Variants in FAT4 observed in about 807,000 individuals in gnomAD.
FAT4 encodes FAT atypical cadherin 4.
Under a neutral mutation model 303.9 loss-of-function variants are expected in FAT4, and 84 were observed. That is an observed-to-expected ratio of 0.28 (90% confidence interval 0.23 to 0.33). The LOEUF is 0.33. Ranked by LOEUF, FAT4 falls within the 10% of genes least tolerant of loss-of-function variation. FAT4 has a pLI of 1.00. For missense variants in FAT4, 6,005 were observed against 6,146.8 expected (o/e 0.98, Z 0.77); for synonymous variants, 2,307 against 2,298.8 (o/e 1.00, Z -0.10).
rs771406978 is a variant in FAT4 at position 125,320,571 on chromosome 4, A to G, written c.4160A>G (p.Lys1387Arg). The G allele has an allele frequency of 6.2e-7, 1 of 1,614,014 alleles. No homozygotes were observed. Among genetic ancestry groups the G allele is most frequent in the East Asian group, 2.2e-5 (1 of 44,880 alleles). The change falls in exon 2 of 18, where the codon AAA becomes AGA. Residue 1387 changes from lysine to arginine, a missense_variant. Physicochemically the swap from Lys to Arg is conservative, Grantham distance 26. Transcript: ENST00000394329. ...GACTTTGAAACACAGTCTTTGTATAAATTAAATATAACAGCAAAAGACCAA... is the reference window on the plus strand; with the variant it reads ...GACTTTGAAACACAGTCTTTGTATAGATTAAATATAACAGCAAAAGACCAA... The part of the protein sequence containing the change: ...KLDFETQSLY[K>R]LNITAKDQGR...
At chr4:125,459,556 G>T (rs1726412412) in intron 10 of FAT4, among the ~76,000 whole-genome samples, 1 of 152,018 alleles carries the variant, frequency 6.6e-6, no homozygotes, top group African/African-American at 2.4e-5. Flanking sequence ...GATAAATAGT[G>T]TATGGCAACA....
intron 6 of FAT4, among the ~76,000 whole-genome samples, chr4:125,416,095 A>G (rs925079077): frequency 4.6e-5 from 7 of 152,198 alleles, no homozygotes; most frequent in Non-Finnish European, 1.0e-4. Context: ...TTCCACAAGG[A>G]TAATATCTGC....
chr4:125,315,978 G>A lies in FAT4; in HGVS notation c.-13+1G>A, dbSNP rs940944559. Among the ~76,000 whole-genome samples, 1 of 152,176 alleles carries A rather than the reference G, an allele frequency of 6.6e-6. No homozygotes were observed. Among genetic ancestry groups the A allele is most frequent in the African/African-American group, 2.4e-5 (1 of 41,454 alleles). On this transcript the variant is annotated splice_donor_variant, in intron 1 of 17. Transcript: ENST00000394329. LOFTEE classifies it low-confidence loss of function (5UTR_SPLICE). ...TCCCTCTTCACGTTCTTCGCTGCGGGTAAGTTCTAAAGTTTCTGAAGACCG... is the reference window on the plus strand; with the variant it reads ...TCCCTCTTCACGTTCTTCGCTGCGGATAAGTTCTAAAGTTTCTGAAGACCG...
chr4:125,354,147 GCTATTA>G (rs1732338658), intron 2 of FAT4, among the ~76,000 whole-genome samples: 1 of 151,644 alleles, frequency 6.6e-6, no homozygotes, highest in Non-Finnish European at 1.5e-5. Context: ...TCTGTAAACT[GCTATTA>G]CTAAGATTAT....
In FAT4 at chr4:125,319,216, C is replaced by A; in HGVS notation, c.2805C>A (p.Asn935Lys). 1 of 1,614,122 alleles carries A rather than the reference C, an allele frequency of 6.2e-7. No homozygotes were observed. The highest frequency in any genetic ancestry group is 8.5e-7 in the Non-Finnish European group (1 of 1,180,014). The change falls in exon 2 of 18, where the codon AAC (asparagine) becomes AAA (lysine). Residue 935 changes from asparagine (N) to lysine (K), a missense_variant. Transcript: ENST00000394329. ...TGGTACTCTATAGTCTGAAGCAAAA[C>A]CCCAAGAACCTGTTTGCTATCAATG... ...NGMVLYSLKQ[N>K]PKNLFAINEK... is the part of the protein sequence containing the mutation.
rs1186981024 is a variant in FAT4 at position 125,315,708 on chromosome 4, T to A, written c.-282T>A. 6.6e-6 allele frequency among the ~76,000 whole-genome samples: 1 copy of A among 151,956 alleles called. No homozygotes were observed. Among genetic ancestry groups the A allele is most frequent in the Admixed American group, 6.5e-5 (1 of 15,284 alleles). ...AGGGGCAGAGTTGAGCGCTCCCGGG[T>A]ACGGGAGCCAGAGCGCGAACGCTAG... is the stretch of plus-strand genomic sequence containing the variant. On this transcript the variant is annotated 5_prime_UTR_variant, in exon 1 of 18. Transcript: ENST00000394329.
intron 8 of FAT4, among the ~76,000 whole-genome samples, chr4:125,438,768 A>G (rs1174084566): frequency 6.6e-6 from 1 of 152,166 alleles, no homozygotes; most frequent in Non-Finnish European, 1.5e-5. Flanking sequence ...AATATAATGT[A>G]TTTTATGGTT....
intron 7 of FAT4, among the ~76,000 whole-genome samples, chr4:125,424,322 G>A (rs1437947290): frequency 6.6e-6 from 1 of 152,114 alleles, no homozygotes; most frequent in African/African-American, 2.4e-5. Context: ...GAGTTCTCAG[G>A]AGATGTGATG....
At chr4:125,338,644 A>G (rs1411159704) in intron 2 of FAT4, among the ~76,000 whole-genome samples, 1 of 152,166 alleles carries the variant, frequency 6.6e-6, no homozygotes, top group Admixed American at 6.5e-5. Context: ...CAGAAAATCT[A>G]AAAGATTGCT....
intron 2 of FAT4, among the ~76,000 whole-genome samples, chr4:125,374,543 C>G (rs1196725731): frequency 6.6e-6 from 1 of 152,156 alleles, no homozygotes; most frequent in Non-Finnish European, 1.5e-5. Context: ...CAAAACGACC[C>G]TTACTTATTT....
intron 2 of FAT4, among the ~76,000 whole-genome samples, chr4:125,372,997 G>C (rs553338616): frequency 6.6e-6 from 1 of 152,102 alleles, no homozygotes; most frequent in Admixed American, 6.5e-5. Context: ...TAAAATATTT[G>C]AAATAAAAAT....
chr4:125,484,938 T>A (rs1727356378), intron 16 of FAT4, among the ~76,000 whole-genome samples: 1 of 151,844 alleles, frequency 6.6e-6, no homozygotes, highest in Admixed American at 6.6e-5. Context: ...CTGCAGCCTC[T>A]GCCTCCTGGG....
chr4:125,319,078 C>T lies in FAT4; in HGVS notation c.2667C>T (p.Asn889=). The change falls in exon 2 of 18, where the codon AAC becomes AAT. Residue 889 remains asparagine, a synonymous_variant. Coordinates refer to ENST00000394329, the MANE Select transcript of FAT4 (RefSeq NM_001291303.3). ...TAACAGTTAAGGATTTGAATGACAA[C>T]TCTCCCCATTTCCTTCAGGCAATAG... ...VNITVKDLND[N]SPHFLQAIES... The T allele has an allele frequency of 1.9e-6, 3 of 1,614,138 alleles. No individual in the cohort carries two copies. Among genetic ancestry groups the T allele is most frequent in the South Asian group, 1.1e-5 (1 of 91,078 alleles).
At position 125,318,267 on chromosome 4, in the gene FAT4, G is replaced by A. The variant is rs751131695; in HGVS notation, c.1856G>A (p.Arg619His). ...GACCTGGGTGACAACGGAACAGTGC[G>A]CTTCTCCTTACAAGAGGCAGAGACT... ...DGDLGDNGTV[R>H]FSLQEAETDR... is the part of the protein sequence containing the mutation. Residue 619 changes from arginine (R) to histidine (H), a missense_variant, in exon 2 of 18, where the codon CGC becomes CAC. By Grantham distance (29) the Arg-to-His change is conservative. Coordinates refer to ENST00000394329, the MANE Select transcript of FAT4 (RefSeq NM_001291303.3). 12 of 1,614,084 alleles carry A rather than the reference G, an allele frequency of 7.4e-6. No individual in the cohort carries two copies. The highest frequency in any genetic ancestry group is 1.0e-5 in the Non-Finnish European group (12 of 1,180,062).
intron 7 of FAT4, 152 bp from the exon 8 acceptor site, chr4:125,434,093 A>C: frequency 1.5e-6 from 1 of 658,288 alleles, no homozygotes; most frequent in Non-Finnish European, 2.6e-6. Flanking sequence ...GTCTTGTAAC[A>C]AAATTAAAAA....
At chr4:125,366,474 T>C (rs989863846) in intron 2 of FAT4, among the ~76,000 whole-genome samples, 1 of 151,972 alleles carries the variant, frequency 6.6e-6, no homozygotes, top group Non-Finnish European at 1.5e-5. Context: ...GTGTATGTAC[T>C]ATATATATAT....
At chr4:125,334,078 AG>A (rs914216207) in intron 2 of FAT4, among the ~76,000 whole-genome samples, 6 of 152,002 alleles carry the variant, frequency 3.9e-5, no homozygotes, top group African/African-American at 1.2e-4. Flanking sequence ...TTGGCAGAGG[AG>A]TCCCAGATTA....
rs11391728 is a variant in FAT4 at position 125,368,541 on chromosome 4, A to ATATAT, written c.5176-30243_5176-30242insTATAT. On this transcript the variant is annotated intron_variant, in intron 2 of 17. Coordinates refer to ENST00000394329, the MANE Select transcript of FAT4 (RefSeq NM_001291303.3). Reference sequence around the variant, plus strand: ...ATATATGTATATATATATATATATAAAAATCATATTGGATAAAAAATGTTA... The same window carrying ATATAT: ...ATATATGTATATATATATATATATAATATATAAATCATATTGGATAAAAAATGTTA... Among the ~76,000 whole-genome samples the ATATAT allele has an allele frequency of 9.1e-4, 128 of 141,224 alleles. No homozygotes were observed. In the East Asian group the frequency reaches 0.012, roughly 13 times the overall value. The allele number at this position is 141,224 out of a possible 152,430, so 92.6% of individuals were successfully genotyped here.
At chr4:125,349,499 A>G (rs1388299371) in intron 2 of FAT4, among the ~76,000 whole-genome samples, 1 of 151,696 alleles carries the variant, frequency 6.6e-6, no homozygotes, top group Non-Finnish European at 1.5e-5. Context: ...TTCACCCTAA[A>G]TGGTCCTATC....
Sources: gnomAD v4.1 joint callset for allele counts (sites outside exome capture counted in the v4.1 genomes callset) on GRCh38, gnomAD v4.1.1 for gene constraint, MANE v1.5 for transcripts, NCBI Gene and HGNC (gene_info 2026-07-23, HGNC 2026-07-21) for gene names.